ACAD10: variants seen among roughly 807,000 people sequenced by gnomAD.
ACAD10 encodes ACAD-10.
A neutral mutation model predicts 116.8 loss-of-function variants in ACAD10; 112 were observed. The ratio of observed to expected loss-of-function variants is 0.96; its 90% confidence interval spans 0.82 to 1.12. The LOEUF (loss-of-function observed/expected upper bound fraction) is 1.12, where lower values mean the gene tolerates loss of function less well. Among genes scored for constraint, ACAD10 ranks in the 50% most tolerant of loss-of-function variants. The pLI, the probability that ACAD10 is intolerant of heterozygous loss-of-function variation, is 0.00. For missense variants in ACAD10, 1,259 were observed against 1,350.2 expected, an observed-to-expected ratio of 0.93 and a Z score of 1.06; for synonymous variants, 486 against 510.6, an observed-to-expected ratio of 0.95 and a Z score of 0.65.
Position 111,757,091 on chromosome 12 carries a change from C to T in ACAD10, c.*618C>T. Reference sequence around the variant, plus strand: ...GACACAGAAGAATAAGTAAACACATCTCGGAGGCTTTGTGGACTTTCTGTG... The same window carrying T: ...GACACAGAAGAATAAGTAAACACATTTCGGAGGCTTTGTGGACTTTCTGTG... On this transcript the variant is annotated 3_prime_UTR_variant, in exon 21 of 21. Coordinates refer to ENST00000313698, the MANE Select transcript of ACAD10 (RefSeq NM_025247.6). 1 of 353,524 alleles carries T rather than the reference C, an allele frequency of 2.8e-6. No individual in the cohort carries two copies. The highest frequency in any genetic ancestry group is 2.1e-5 in the South Asian group (1 of 47,618). 21.9% of individuals were successfully genotyped at this position (353,524 alleles called of 1,614,324 possible). A position where few individuals can be genotyped will look rare whatever the true frequency, so the allele number is the denominator to read the frequency against.
intron 7 of ACAD10, among the ~76,000 whole-genome samples, chr12:111,720,786 T>A (rs1359477920): frequency 6.6e-6 from 1 of 151,918 alleles, no homozygotes; most frequent in African/African-American, 2.4e-5. Flanking sequence ...TTATTTATTT[T>A]ATTTTATTTT....
At chr12:111,724,895 G>C (rs186037870) in intron 8 of ACAD10, among the ~76,000 whole-genome samples, 1 of 151,498 alleles carries the variant, frequency 6.6e-6, no homozygotes. Flanking sequence ...AAGAGAGGGA[G>C]AGGGAGACCG....
At position 111,728,133 on chromosome 12, in the gene ACAD10, T is replaced by A; in HGVS notation, c.1233T>A (p.Tyr411Ter). 1 of 1,604,976 alleles carries A rather than the reference T, an allele frequency of 6.2e-7. No individual in the cohort carries two copies. Among genetic ancestry groups the A allele is most frequent in the Non-Finnish European group, 8.5e-7 (1 of 1,175,318 alleles). The change falls in exon 9 of 21, where the codon TAT becomes TAA. Residue 411 changes from tyrosine (Y) to a stop codon, truncating the protein, a stop_gained. Transcript: ENST00000313698. LOFTEE classifies it high-confidence loss of function. ...TGCAGGCTGTGGGACTTGAAGACTA[T>A]GGGAAGCAAGGTGAGCAGGAGGCCA... ...VDLQAVGLEDYGKQGDYIPRQ... is the reference protein window; with the variant it reads ...VDLQAVGLED
At position 111,692,834 on chromosome 12, in the gene ACAD10, A is replaced by T; in HGVS notation, c.125A>T (p.Tyr42Phe). 6.2e-7 allele frequency: 1 copy of T among 1,614,182 alleles called. No individual in the cohort carries two copies. Among genetic ancestry groups the T allele is most frequent in the Non-Finnish European group, 8.5e-7 (1 of 1,180,030 alleles). The part of the protein sequence containing the change: ...HRWTHLGGST[Y>F]RAVIFDMGGV... Reference sequence around the variant, plus strand: ...TGGACACACCTTGGAGGCAGCACCTACAGAGCGGTGATTTTCGACATGGGC... The same window carrying T: ...TGGACACACCTTGGAGGCAGCACCTTCAGAGCGGTGATTTTCGACATGGGC... Residue 42 changes from tyrosine to phenylalanine, a missense_variant, in exon 2 of 21, where the codon TAC (tyrosine) becomes TTC (phenylalanine). Physicochemically the swap from Tyr to Phe is conservative, Grantham distance 22. Transcript: ENST00000313698.
chr12:111,700,210 G>A (rs1385336571), intron 2 of ACAD10, among the ~76,000 whole-genome samples: 1 of 152,108 alleles, frequency 6.6e-6, no homozygotes, highest in East Asian at 1.9e-4. Flanking sequence ...ATAGGAGACA[G>A]ATTTGGCCCC....
intron 12 of ACAD10, among the ~76,000 whole-genome samples, chr12:111,744,000 A>G (rs1176127456): frequency 1.3e-5 from 2 of 151,846 alleles, no homozygotes; most frequent in Admixed American, 6.6e-5. Context: ...CGCCCACCTC[A>G]GCCTCCCAAA....
At chr12:111,690,167 T>G (rs1887995441) in intron 1 of ACAD10, among the ~76,000 whole-genome samples, 1 of 152,204 alleles carries the variant, frequency 6.6e-6, no homozygotes, top group Admixed American at 6.5e-5. Context: ...GAGTATCCCT[T>G]GTCCCAAATG....
chr12:111,747,747 A>G (rs1889955616), intron 16 of ACAD10: 1 of 1,074,374 alleles, frequency 9.3e-7, no homozygotes, highest in South Asian at 3.1e-5. Context: ...CCTAAGGGCT[A>G]ATGACAATCC....
At chr12:111,724,409 C>T (rs1166329962) in intron 8 of ACAD10, among the ~76,000 whole-genome samples, 9 of 152,250 alleles carry the variant, frequency 5.9e-5, no homozygotes, top group South Asian at 2.1e-4. Context: ...GGGTGGCGGC[C>T]GGGCAGAGGC....
At chr12:111,697,959 C>T (rs1293859444) in intron 2 of ACAD10, among the ~76,000 whole-genome samples, 15 of 111,756 alleles carry the variant, frequency 1.3e-4, no homozygotes, top group Admixed American at 1.0e-3. Context: ...TTTTTTGAGT[C>T]GGAGTCTCAC....
chr12:111,703,083 C>CAAA (rs1205550152), intron 3 of ACAD10, among the ~76,000 whole-genome samples: 36 of 78,312 alleles, frequency 4.6e-4, no homozygotes, highest in African/African-American at 1.5e-3. Flanking sequence ...GACTCTGTCT[C>CAAA]AAAAAAAAAA....
At position 111,702,364 on chromosome 12, in the gene ACAD10, G is replaced by T; in HGVS notation, c.336+54G>T. On this transcript the variant is annotated intron_variant, in intron 3 of 20. Transcript: ENST00000313698. ...TATTTTTCTTTTTGCCTTGAGTAGT[G>T]GTTGCAACATTCATGTATAAGTTAG... The T allele has an allele frequency of 6.9e-6, 11 of 1,586,848 alleles. No homozygotes were observed. The South Asian group carries it at 1.0e-4, about 15-fold the overall frequency.
chr12:111,754,010 T>C (rs1015015031), intron 19 of ACAD10, 95 bp downstream of exon 19: 2 of 1,448,892 alleles, frequency 1.4e-6, no homozygotes, highest in Admixed American at 2.8e-5. Context: ...CATTAGAAAC[T>C]TTATTTCACC....
intron 12 of ACAD10, among the ~76,000 whole-genome samples, chr12:111,741,564 GTC>G (rs1365967139): frequency 6.6e-6 from 1 of 152,166 alleles, no homozygotes; most frequent in Non-Finnish European, 1.5e-5. Context: ...ACAGAAAAAT[GTC>G]TGTTTGTTCA....
chr12:111,734,035 C>T lies in ACAD10; in HGVS notation c.1507C>T (p.His503Tyr), dbSNP rs765748511. ...TGATGTGGCCTACAGCTGCCTGGCT[C>T]ATTACCTGCCATCCAGTTTTCCCGT... The part of the protein sequence containing the change: ...LADVAYSCLA[H>Y]YLPSSFPVLR... Residue 503 changes from histidine (H) to tyrosine (Y), a missense_variant, in exon 11 of 21, where the codon CAT (histidine) becomes TAT (tyrosine). Physicochemically the swap from His to Tyr is moderately conservative, Grantham distance 83. Transcript: ENST00000313698. The T allele has an allele frequency of 6.2e-7, 1 of 1,614,234 alleles. No individual in the cohort carries two copies. Among genetic ancestry groups the T allele is most frequent in the Non-Finnish European group, 8.5e-7 (1 of 1,180,054 alleles).
intron 19 of ACAD10, among the ~76,000 whole-genome samples, chr12:111,754,984 C>T (rs1484447425): frequency 6.6e-6 from 1 of 152,250 alleles, no homozygotes; most frequent in Non-Finnish European, 1.5e-5. Flanking sequence ...GGCAGCCTCA[C>T]CCAGCTCACA....
chr12:111,720,564 A>C (rs1029393455), intron 7 of ACAD10, among the ~76,000 whole-genome samples: 1 of 152,142 alleles, frequency 6.6e-6, no homozygotes, highest in African/African-American at 2.4e-5. Context: ...CTGGTGGTAC[A>C]CTGTCGTAAA....
At chr12:111,724,552 C>T (rs569419784) in intron 8 of ACAD10, among the ~76,000 whole-genome samples, 55 of 152,338 alleles carry the variant, frequency 3.6e-4, no homozygotes, top group African/African-American at 6.0e-4. Flanking sequence ...TCTGCAATCC[C>T]GGCACCTCGG....
At chr12:111,695,738 G>C (rs1230235346) in intron 2 of ACAD10, among the ~76,000 whole-genome samples, 1 of 152,150 alleles carries the variant, frequency 6.6e-6, no homozygotes, top group African/African-American at 2.4e-5. Flanking sequence ...AATTGGCCAG[G>C]TGCGGTGGCT....
Sources: gnomAD v4.1 joint callset for allele counts (sites outside exome capture counted in the v4.1 genomes callset) on GRCh38, gnomAD v4.1.1 for gene constraint, MANE v1.5 for transcripts, NCBI Gene and HGNC (gene_info 2026-07-23, HGNC 2026-07-21) for gene names.